Variants in ENTREP1 observed in about 807,000 individuals in gnomAD.
ENTREP1 encodes the protein endosomal transmembrane epsin interactor 1, also known as Friedreich ataxia region gene X123.
chr9:69,330,811 T>G, the ENTREP1 span, among the ~76,000 whole-genome samples: 5 of 151,604 alleles, frequency 3.3e-5, no homozygotes, highest in Admixed American at 1.3e-4. Context: ...GTGGGATGCT[T>G]CTTCTTCTTC....
the ENTREP1 span, chr9:69,371,375 G>A: frequency 8.6e-6 from 7 of 817,054 alleles, no homozygotes; most frequent in East Asian, 4.9e-5. Context: ...TTGAAAACAC[G>A]GTTCTGATCT....
At chr9:69,366,793 G>A in the ENTREP1 span, among the ~76,000 whole-genome samples, 1 of 152,080 alleles carries the variant, frequency 6.6e-6, no homozygotes. Flanking sequence ...ATTGAAGAGA[G>A]TGTCTTTTCT....
chr9:69,346,391 T>C, the ENTREP1 span, among the ~76,000 whole-genome samples: 4 of 152,202 alleles, frequency 2.6e-5, no homozygotes, highest in East Asian at 5.8e-4. Flanking sequence ...CCCTCCTTTC[T>C]TGTTTTTTAA....
At chr9:69,358,412 G>GATT in the ENTREP1 span, among the ~76,000 whole-genome samples, 3 of 152,158 alleles carry the variant, frequency 2.0e-5, no homozygotes, top group Non-Finnish European at 4.4e-5. Context: ...TTCATTGACT[G>GATT]GTTGACTGAC....
At chr9:69,372,732 A>G in the ENTREP1 span, among the ~76,000 whole-genome samples, 1 of 152,086 alleles carries the variant, frequency 6.6e-6, no homozygotes, top group Non-Finnish European at 1.5e-5. Flanking sequence ...TCTATTTTAA[A>G]TTTTTTGAGG....
chr9:69,337,013 T>A, the ENTREP1 span, among the ~76,000 whole-genome samples: 1 of 131,948 alleles, frequency 7.6e-6, no homozygotes, highest in East Asian at 2.1e-4. Flanking sequence ...TCCTTTTTTT[T>A]TTTTTTTTTT....
the ENTREP1 span, among the ~76,000 whole-genome samples, chr9:69,338,221 T>G: frequency 6.6e-6 from 1 of 152,198 alleles, no homozygotes; most frequent in Non-Finnish European, 1.5e-5. Context: ...TAGCCTGTGT[T>G]ATAAGTGGCT....
chr9:69,328,438 G>A, the ENTREP1 span, among the ~76,000 whole-genome samples: 2 of 152,084 alleles, frequency 1.3e-5, no homozygotes, highest in African/African-American at 4.8e-5. Flanking sequence ...AATGTAGAAA[G>A]AAGGGTGTAA....
At chr9:69,388,577 G>A in the ENTREP1 span, 1 of 728,104 alleles carries the variant, frequency 1.4e-6, no homozygotes, top group Non-Finnish European at 2.2e-6. Flanking sequence ...AAATTGGGTT[G>A]AGAGTTCTGG....
the ENTREP1 span, among the ~76,000 whole-genome samples, chr9:69,378,714 G>C: frequency 1.3e-5 from 2 of 151,054 alleles, no homozygotes; most frequent in Non-Finnish European, 2.9e-5. Context: ...AGCTGAGATC[G>C]CACCACTGCA....
the ENTREP1 span, among the ~76,000 whole-genome samples, chr9:69,362,759 G>A: frequency 1.3e-5 from 2 of 152,094 alleles, no homozygotes; most frequent in Non-Finnish European, 2.9e-5. Flanking sequence ...CCATCTAATC[G>A]CTGCCAACGA....
chr9:69,328,228 G>A, the ENTREP1 span, among the ~76,000 whole-genome samples: 9 of 151,984 alleles, frequency 5.9e-5, no homozygotes, highest in Admixed American at 6.6e-5. Flanking sequence ...TAGATCCTTC[G>A]TGCTCCCTAG....
the ENTREP1 span, chr9:69,375,945 G>A: frequency 6.9e-7 from 1 of 1,453,960 alleles, no homozygotes; most frequent in Non-Finnish European, 9.4e-7. Flanking sequence ...AAATATTCCT[G>A]TTCTATTACC....
the ENTREP1 span, chr9:69,381,164 C>T: frequency 6.6e-6 from 1 of 152,208 alleles, no homozygotes; most frequent in Non-Finnish European, 1.5e-5. Context: ...TGAGCCTGCA[C>T]CAGTGAAGTC....
chr9:69,325,052 C>T, the ENTREP1 span: 1 of 985,366 alleles, frequency 1.0e-6, no homozygotes. Context: ...GCACGGAGTG[C>T]GCGTGGGTGA....
chr9:69,366,376 C>T, the ENTREP1 span, among the ~76,000 whole-genome samples: 1 of 127,242 alleles, frequency 7.9e-6, no homozygotes, highest in Non-Finnish European at 1.6e-5. Context: ...GTTGGTAATT[C>T]CAACTGGGGT....
chr9:69,371,613 A>G, the ENTREP1 span: 1 of 1,590,260 alleles, frequency 6.3e-7, no homozygotes, highest in Non-Finnish European at 8.6e-7. Flanking sequence ...TGATCTGGTA[A>G]GCAGTCCTAA....
the ENTREP1 span, chr9:69,375,715 T>C: frequency 3.1e-6 from 5 of 1,595,180 alleles, no homozygotes; most frequent in Non-Finnish European, 3.4e-6. Context: ...AAGTATTTTT[T>C]TTTACCTTTC....
chr9:69,329,777 T>TGTTAACTAGATTCCACTGGGTTATGGGA, the ENTREP1 span: 2 of 361,316 alleles, frequency 5.5e-6, no homozygotes, highest in South Asian at 1.3e-4. Flanking sequence ...GTGCGTTTAG[T>TGTTAACTAGATTCCACTGGGTTATGGGA]GTTAACTAGA....
Sources: allele counts gnomAD v4.1 joint callset (sites outside exome capture counted in the v4.1 genomes callset), GRCh38; gene constraint gnomAD v4.1.1; transcripts MANE v1.5; gene names NCBI Gene and HGNC (gene_info 2026-07-23, HGNC 2026-07-21).